The following GMPPA variants were observed in gnomAD, a reference collection of about 807,000 sequenced individuals.
The protein encoded by GMPPA is GDP-mannose pyrophosphorylase A.
A neutral mutation model predicts 58.6 loss-of-function variants in GMPPA; 46 were observed. That is an observed-to-expected ratio of 0.78 (90% confidence interval 0.62 to 1.00). GMPPA has a LOEUF of 1.00. GMPPA is among the 50% of genes least tolerant of loss of function. The pLI, the probability that GMPPA is intolerant of heterozygous loss-of-function variation, is 0.00. For synonymous variants in GMPPA, 211 were observed against 214.9 expected (o/e 0.98, Z 0.16); for missense variants, 468 against 556.4 (o/e 0.84, Z 1.60).
rs1024873807 is a variant in GMPPA, at chr2:219,506,176, A to G, written c.994-78A>G. ...GAAGGGTGAACGCCGTGGGCTCTGC[A>G]TCTGGCCACACCTCACACCCTCCGG... On this transcript the variant is annotated intron_variant, in intron 11 of 12. Coordinates refer to ENST00000313597, the MANE Select transcript of GMPPA (RefSeq NM_013335.4). 1.5e-5 allele frequency: 23 copies of G among 1,500,642 alleles called. No individual in the cohort carries two copies. The South Asian group carries it at 2.7e-4, about 18-fold the overall frequency. 93.0% of individuals were successfully genotyped at this position (1,500,642 alleles called of 1,614,324 possible).
In GMPPA at chr2:219,501,956, T is replaced by C. The variant is rs1466851791; in HGVS notation, c.348T>C (p.Asp116=). 6.2e-7 allele frequency: 1 copy of C among 1,614,186 alleles called. No individual in the cohort carries two copies. The highest frequency in any genetic ancestry group is 1.3e-5 in the African/African-American group (1 of 75,060). The change falls in exon 5 of 13, where the codon GAT becomes GAC. Residue 116 remains aspartate (D), a synonymous_variant. Transcript: ENST00000313597. ...AGGCATTCTTCGTGCTCAATGCTGATGTCTGCTCCGACTTCCCCTTGAGTG... is the reference window on the plus strand; with the variant it reads ...AGGCATTCTTCGTGCTCAATGCTGACGTCTGCTCCGACTTCCCCTTGAGTG... ...SPEAFFVLNA[D]VCSDFPLSAM...
At chr2:219,504,986 G>A (rs761519801) in intron 7 of GMPPA, 4 of 922,208 alleles carry the variant, frequency 4.3e-6, no homozygotes, top group Non-Finnish European at 6.1e-6. Flanking sequence ...AAATGGGGCA[G>A]GGATGGGAAG....
In GMPPA at chr2:219,505,677, T is replaced by C. The variant is rs757972361; in HGVS notation, c.854-38T>C. Reference sequence around the variant, plus strand: ...TGCCCCTTCCTGATCAAATTCGGTTTGGGATATTTGCCCCCAGGGCCTCTC... The same window carrying C: ...TGCCCCTTCCTGATCAAATTCGGTTCGGGATATTTGCCCCCAGGGCCTCTC... On this transcript the variant is annotated intron_variant, in intron 9 of 12. Transcript: ENST00000313597. 11 of 1,611,218 alleles carry C rather than the reference T, an allele frequency of 6.8e-6. No individual in the cohort carries two copies. The African/African-American group carries it at 9.3e-5, about 14-fold the overall frequency.
chr2:219,499,116 A>C (rs1429341152), intron 1 of GMPPA, 178 bp downstream of exon 1: 1 of 152,190 alleles, frequency 6.6e-6, no homozygotes, highest in African/African-American at 2.4e-5. Flanking sequence ...TGGGGTTCAG[A>C]GGGTCAGCAA....
At position 219,502,614 on chromosome 2, in the gene GMPPA, G is replaced by C. The variant is rs1168024401; in HGVS notation, c.489+173G>C. Among the ~76,000 whole-genome samples the C allele has an allele frequency of 7.2e-5, 11 of 151,954 alleles. No individual in the cohort carries two copies. The highest frequency in any genetic ancestry group is 2.4e-4 in the African/African-American group (10 of 41,358). ...TTTAAGAGAGATTGACCAGGGGGAGGGGGGGAATGGTTAATTTCCCTGGGG... is the reference window on the plus strand; with the variant it reads ...TTTAAGAGAGATTGACCAGGGGGAGCGGGGGAATGGTTAATTTCCCTGGGG... On this transcript the variant is annotated intron_variant, in intron 6 of 12. Transcript: ENST00000313597. This position sits in a 1 kb window ranked among gnomAD's most constrained non-coding sequence, Gnocchi z 4.0.
chr2:219,499,012 C>T (rs1423957134), intron 1 of GMPPA, 74 bp downstream of exon 1: 1 of 152,188 alleles, frequency 6.6e-6, no homozygotes, highest in African/African-American at 2.4e-5. Flanking sequence ...GAGCGGGCTC[C>T]GAGGTCCTGG....
intron 11 of GMPPA, 57 bp downstream of exon 11, chr2:219,506,129 C>T: frequency 6.9e-7 from 1 of 1,449,578 alleles, no homozygotes; most frequent in Non-Finnish European, 9.5e-7. Flanking sequence ...GGGGAGGGCC[C>T]AGGCATCCCC....
chr2:219,505,146 C>T, intron 7 of GMPPA, 82 bp from the exon 8 acceptor site: 3 of 1,473,168 alleles, frequency 2.0e-6, no homozygotes, highest in Non-Finnish European at 2.8e-6. Context: ...AATCCTCCTA[C>T]TCCTGTCCCT....
At chr2:219,499,771 A>G in intron 1 of GMPPA, 185 bp from the exon 2 acceptor site, 2 of 625,366 alleles carry the variant, frequency 3.2e-6, no homozygotes, top group Admixed American at 2.7e-5. Flanking sequence ...TTGGGGTGTG[A>G]GATCTGAGCT....
chr2:219,505,084 C>A, intron 7 of GMPPA, 144 bp from the exon 8 acceptor site: 2 of 989,626 alleles, frequency 2.0e-6, no homozygotes, highest in Non-Finnish European at 2.9e-6. Flanking sequence ...GCAGCCACAT[C>A]CCAGAGAGGG....
Position 219,506,874 on chromosome 2 carries a change from G to C in GMPPA, c.*76G>C. ...TGCCTGCTTGGCCAGCCTCTGTCCA[G>C]AAAGGACCAGAGAAAGCCAGGCTGG... On this transcript the variant is annotated 3_prime_UTR_variant, in exon 13 of 13. Transcript: ENST00000313597. 1.3e-6 allele frequency: 1 copy of C among 759,858 alleles called. No homozygotes were observed. Among genetic ancestry groups the C allele is most frequent in the Non-Finnish European group, 2.4e-6 (1 of 420,878 alleles). 47.1% of individuals were successfully genotyped at this position (759,858 alleles called of 1,614,324 possible).
At chr2:219,505,189 A>C (rs1368537746) in intron 7 of GMPPA, 39 bp from the exon 8 acceptor site, 9 of 1,606,514 alleles carry the variant, frequency 5.6e-6, no homozygotes, top group Non-Finnish European at 7.7e-6. Flanking sequence ...GTCGGGGCTC[A>C]GCTGGGGGAC....
At chr2:219,504,923 G>T in intron 7 of GMPPA, 1 of 1,106,796 alleles carries the variant, frequency 9.0e-7, no homozygotes, top group Non-Finnish European at 1.1e-6. Flanking sequence ...ACTTGGAGGG[G>T]GTAAAGGGCT....
chr2:219,504,435 A>T, intron 7 of GMPPA: 2 of 565,970 alleles, frequency 3.5e-6, no homozygotes, highest in South Asian at 4.7e-5. Flanking sequence ...CTGCCTGCCC[A>T]CTCCCCTTCT....
intron 7 of GMPPA, 119 bp downstream of exon 7, chr2:219,504,332 C>A (rs567266468): frequency 3.1e-5 from 28 of 917,450 alleles, no homozygotes; most frequent in Non-Finnish European, 4.7e-5. Context: ...TCTCCCTTCT[C>A]CACTTGCCAT....
In GMPPA at chr2:219,506,439, GC is replaced by G; in HGVS notation, c.1162+19del. On this transcript the variant is annotated intron_variant, in intron 12 of 12. Transcript: ENST00000313597. The stretch of plus-strand genomic sequence containing the variant: ...CCATCCTGGGTATGGCTTCCTGGGG[GC>G]CAGGGCTGGGGGAACCCCTCAGCTG... 2 of 1,605,660 alleles carry G rather than the reference GC, an allele frequency of 1.2e-6. No individual in the cohort carries two copies. Among genetic ancestry groups the G allele is most frequent in the Non-Finnish European group, 1.7e-6 (2 of 1,175,818 alleles).
chr2:219,500,126 C>T lies in GMPPA; in HGVS notation c.46C>T (p.Arg16Cys), dbSNP rs201552488. ...TCTCCTCTCTCCTCTCCCAGGAACT[C>T]GCTTCAGACCTTTGTCTTTTGAGGT... ...ILIGGPQKGT[R>C]FRPLSFEVPK... Residue 16 changes from arginine (R) to cysteine (C), a missense_variant, in exon 3 of 13, where the codon CGC (arginine) becomes TGC (cysteine). Transcript: ENST00000313597. 3.3e-4 allele frequency: 537 copies of T among 1,604,584 alleles called. No individual in the cohort carries two copies. Among genetic ancestry groups the T allele is most frequent in the Non-Finnish European group, 4.2e-4 (491 of 1,174,410 alleles).
intron 6 of GMPPA, among the ~76,000 whole-genome samples, chr2:219,503,316 G>C (rs1694464133): frequency 6.6e-6 from 1 of 151,992 alleles, no homozygotes; most frequent in African/African-American, 2.4e-5. Flanking sequence ...GTAGAGACAG[G>C]CTTTCGTCAT....
At chr2:219,504,507 C>T (rs536320884) in intron 7 of GMPPA, 2 of 472,568 alleles carry the variant, frequency 4.2e-6, no homozygotes, top group East Asian at 7.5e-5. Flanking sequence ...CAGCAACACA[C>T]AGTTGGGCGC....
Sources: gnomAD v4.1 joint callset for allele counts (sites outside exome capture counted in the v4.1 genomes callset) on GRCh38, gnomAD v4.1.1 for gene constraint, Gnocchi (gnomAD v3.1) non-coding constraint, MANE v1.5 for transcripts, NCBI Gene and HGNC (gene_info 2026-07-23, HGNC 2026-07-21) for gene names.